FBLIM1: variants seen among roughly 807,000 people sequenced by gnomAD.
FBLIM1 encodes filamin binding LIM protein 1, also known as filamin-binding LIM protein 1.
Under a neutral mutation model 37.4 loss-of-function variants are expected in FBLIM1, and 29 were observed. That is an observed-to-expected ratio of 0.77 (90% CI 0.58 to 1.06). The LOEUF (loss-of-function observed/expected upper bound fraction) is 1.06. Among genes scored for constraint, FBLIM1 ranks in the 50% least tolerant of loss-of-function variants. The pLI, the probability that FBLIM1 is intolerant of heterozygous loss-of-function variation, is 0.00. For synonymous variants in FBLIM1, 193 were observed against 199.0 expected (o/e 0.97, Z 0.25); for missense variants, 449 against 505.6 (o/e 0.89, Z 1.07).
chr1:15,774,966 C>G, intron 7 of FBLIM1, 170 bp downstream of exon 7: 2 of 1,439,388 alleles, frequency 1.4e-6, no homozygotes, highest in African/African-American at 1.4e-5. Context: ...CGCCTGTAAT[C>G]CCAGCACTTT....
chr1:15,764,662 T>G lies in FBLIM1; in HGVS notation c.-44T>G. 6.2e-6 allele frequency: 2 copies of G among 324,730 alleles called. No homozygotes were observed. The highest frequency in any genetic ancestry group is 4.8e-5 in the Admixed American group (1 of 20,794). The allele number at this position is 324,730 out of a possible 1,614,324, so 20.1% of individuals were successfully genotyped here. A position where few individuals can be genotyped will look rare whatever the true frequency, so the allele number is the denominator to read the frequency against. On this transcript the variant is annotated 5_prime_UTR_variant, in exon 2 of 9. Coordinates refer to ENST00000375766, the MANE Select transcript of FBLIM1 (RefSeq NM_017556.4). ...AGCATCTGTTCCTTCCTCGCGGGTGTGAGACAAGGAAGAGTGATCATTGGT... is the reference window on the plus strand; with the variant it reads ...AGCATCTGTTCCTTCCTCGCGGGTGGGAGACAAGGAAGAGTGATCATTGGT...
intron 1 of FBLIM1, among the ~76,000 whole-genome samples, chr1:15,759,548 C>T (rs917368727): frequency 6.6e-6 from 1 of 151,992 alleles, no homozygotes; most frequent in African/African-American, 2.4e-5. Context: ...GAGGCACCCC[C>T]AGCCGAGCCC....
At chr1:15,764,152 G>C (rs1478919265) in intron 1 of FBLIM1, among the ~76,000 whole-genome samples, 2 of 152,112 alleles carry the variant, frequency 1.3e-5, no homozygotes, top group Non-Finnish European at 2.9e-5. Flanking sequence ...TCATGTGCAG[G>C]GCTGAGAAAG....
At chr1:15,761,703 G>A (rs956623191) in intron 1 of FBLIM1, among the ~76,000 whole-genome samples, 3 of 152,078 alleles carry the variant, frequency 2.0e-5, no homozygotes, top group Non-Finnish European at 4.4e-5. Context: ...CTAATATATT[G>A]GTTTCTTCCT....
In FBLIM1 at chr1:15,779,703, A is replaced by T. The variant is rs1282457498; in HGVS notation, c.1008+2416A>T. Among the ~76,000 whole-genome samples the T allele has an allele frequency of 3.3e-5, 5 of 152,156 alleles. No homozygotes were observed. The East Asian group carries it at 9.6e-4, about 29-fold the overall frequency. On this transcript the variant is annotated intron_variant, in intron 8 of 8. Transcript: ENST00000375766. Reference sequence around the variant, plus strand: ...AAAGGACTATGGTGCCAGGCTAGAGAGTCTGGACTTCAGGCTGCAGAGAGG... The same window carrying T: ...AAAGGACTATGGTGCCAGGCTAGAGTGTCTGGACTTCAGGCTGCAGAGAGG...
At chr1:15,777,413 G>A (rs991444274) in intron 8 of FBLIM1, 126 bp downstream of exon 8, 1 of 603,962 alleles carries the variant, frequency 1.7e-6, no homozygotes, top group Admixed American at 3.2e-5. Context: ...TGTCTAGTAG[G>A]AGAAACAAAA....
upstream of FBLIM1, chr1:15,757,936 G>A (rs998498739): frequency 3.3e-5 from 5 of 152,262 alleles, no homozygotes; most frequent in African/African-American, 1.2e-4. This position sits in a 1 kb window ranked among gnomAD's most constrained non-coding sequence, Gnocchi z 4.1. Flanking sequence ...GAGGGGTTCA[G>A]CCACAGGGCC....
chr1:15,767,469 T>C lies in FBLIM1; in HGVS notation c.344T>C (p.Leu115Pro). 7.6e-7 allele frequency: 1 copy of C among 1,312,396 alleles called. No individual in the cohort carries two copies. The highest frequency in any genetic ancestry group is 1.0e-6 in the Non-Finnish European group (1 of 997,576). 81.3% of individuals were successfully genotyped at this position (1,312,396 alleles called of 1,614,324 possible). The change falls in exon 4 of 9, where the codon CTG becomes CCG. Residue 115 changes from leucine (L) to proline (P), a missense_variant. Physicochemically the swap from Leu to Pro is moderately conservative, Grantham distance 98. Transcript: ENST00000375766. ...PPPPPPPPVLLPSEEEAPAPM... is the reference protein window; with the variant it reads ...PPPPPPPPVLPPSEEEAPAPM... ...CCTCCACCGCCCCCTCCAGTGCTTC[T>C]GCCTTCTGAAGAGGAGGCTCCTGCT...
intron 7 of FBLIM1, among the ~76,000 whole-genome samples, chr1:15,776,720 G>T (rs1172337766): frequency 1.3e-5 from 2 of 151,990 alleles, no homozygotes; most frequent in East Asian, 3.9e-4. Context: ...AAATTAGCTG[G>T]GCGTGGTGGT....
chr1:15,777,415 G>T, intron 8 of FBLIM1, 128 bp downstream of exon 8: 1 of 597,344 alleles, frequency 1.7e-6, no homozygotes, highest in Non-Finnish European at 3.0e-6. Context: ...TCTAGTAGGA[G>T]AAACAAAAGA....
At chr1:15,781,630 C>T (rs979039726) in intron 8 of FBLIM1, among the ~76,000 whole-genome samples, 20 of 151,618 alleles carry the variant, frequency 1.3e-4, no homozygotes, top group Non-Finnish European at 8.8e-5. Flanking sequence ...CCCACACCCA[C>T]ATCTCACCAT....
chr1:15,770,575 C>G lies in FBLIM1; in HGVS notation c.708C>G (p.Tyr236Ter). 6.2e-7 allele frequency: 1 copy of G among 1,613,558 alleles called. No homozygotes were observed. The highest frequency in any genetic ancestry group is 8.5e-7 in the Non-Finnish European group (1 of 1,179,758). Residue 236 changes from tyrosine (Y) to a stop codon, truncating the protein, a stop_gained, in exon 6 of 9, where the codon TAC becomes TAG. Transcript: ENST00000375766. LOFTEE classifies it high-confidence loss of function. The part of the protein sequence containing the change: ...KDGRPLCEPC[Y>*]QDTLERCGKC... ...GGCGACCCCTCTGCGAACCCTGCTA[C>G]CAGGTAACCCCTGCAGCAGACCTCT...
chr1:15,786,164 C>T lies in FBLIM1; in HGVS notation c.*1503C>T, dbSNP rs1164086755. The T allele has an allele frequency of 6.6e-6, 1 of 152,262 alleles. No individual in the cohort carries two copies. The highest frequency in any genetic ancestry group is 1.5e-5 in the Non-Finnish European group (1 of 68,056). 9.4% of individuals were successfully genotyped at this position (152,262 alleles called of 1,614,324 possible). On this transcript the variant is annotated 3_prime_UTR_variant, in exon 9 of 9. Transcript: ENST00000375766. ...TCAAGACCACACCTGGAAGATTCTT[C>T]TTCCCTTTGAAGGAGAATCATCATT...
At chr1:15,782,864 A>G (rs1414852055) in intron 8 of FBLIM1, among the ~76,000 whole-genome samples, 1 of 144,842 alleles carries the variant, frequency 6.9e-6, no homozygotes, top group African/African-American at 2.6e-5. Flanking sequence ...GCTGGAGTGC[A>G]GTGGCGCGAT....
rs541897633 is a variant in FBLIM1, at chr1:15,765,504, G to T, written c.250+271G>T. On this transcript the variant is annotated intron_variant, in intron 3 of 8. Coordinates refer to ENST00000375766, the MANE Select transcript of FBLIM1 (RefSeq NM_017556.4). This position sits in a 1 kb window ranked among gnomAD's most constrained non-coding sequence, Gnocchi z 5.9. ...GAACAAGATCAAACTTGCCTGGGAA[G>T]GGCTGTCCTGTCACTGGTCAGCATG... is the stretch of plus-strand genomic sequence containing the variant. Among the ~76,000 whole-genome samples, 23 of 152,128 alleles carry T rather than the reference G, an allele frequency of 1.5e-4. No individual in the cohort carries two copies. In the Middle Eastern group the frequency reaches 0.01, roughly 67 times the overall value.
intron 1 of FBLIM1, among the ~76,000 whole-genome samples, chr1:15,763,225 A>G (rs1212399758): frequency 6.6e-6 from 1 of 151,752 alleles, no homozygotes; most frequent in Admixed American, 6.6e-5. Flanking sequence ...GCCCGCCAGC[A>G]CACCCAGCTA....
At chr1:15,761,201 A>G (rs893593109) in intron 1 of FBLIM1, among the ~76,000 whole-genome samples, 8 of 152,282 alleles carry the variant, frequency 5.3e-5, no homozygotes, top group African/African-American at 1.9e-4. Flanking sequence ...GCCGACCACA[A>G]GATTTCTGGT....
chr1:15,781,336 G>C (rs902296247), intron 8 of FBLIM1, among the ~76,000 whole-genome samples: 1 of 151,718 alleles, frequency 6.6e-6, no homozygotes, highest in African/African-American at 2.4e-5. Flanking sequence ...CCAGCCTGGA[G>C]ACAGAGTGAG....
chr1:15,762,422 C>A (rs1296722018), intron 1 of FBLIM1, among the ~76,000 whole-genome samples: 1 of 152,064 alleles, frequency 6.6e-6, no homozygotes, highest in Non-Finnish European at 1.5e-5. Context: ...GCCACCATGC[C>A]CAGCTAATTT....
Sources: allele counts gnomAD v4.1 joint callset (sites outside exome capture counted in the v4.1 genomes callset), GRCh38; gene constraint gnomAD v4.1.1; non-coding constraint Gnocchi (gnomAD v3.1); transcripts MANE v1.5; gene names NCBI Gene and HGNC (gene_info 2026-07-23, HGNC 2026-07-21).